SCMH1: variants seen among roughly 807,000 people sequenced by gnomAD.
The protein encoded by SCMH1 is Scm polycomb group protein homolog 1.
Under a neutral mutation model 70.8 loss-of-function variants are expected in SCMH1, and 37 were observed. That is an observed-to-expected ratio of 0.52 (90% CI 0.40 to 0.69). SCMH1 has a LOEUF of 0.69. SCMH1 is among the 30% of genes least tolerant of loss of function. The pLI is 0.00. For missense variants in SCMH1, 607 were observed against 827.3 expected, an observed-to-expected ratio of 0.73 and a Z score of 3.27; for synonymous variants, 292 against 307.4, an observed-to-expected ratio of 0.95 and a Z score of 0.52.
At chr1:41,101,987 C>T (rs1465538519) in intron 8 of SCMH1, among the ~76,000 whole-genome samples, 2 of 152,130 alleles carry the variant, frequency 1.3e-5, no homozygotes, top group Admixed American at 6.6e-5. Flanking sequence ...ACTAAACATG[C>T]CTAGTTATAA....
chr1:41,027,532 T>C (rs771048478), exon 15 of SCMH1: 3 of 152,158 alleles, frequency 2.0e-5, no homozygotes, highest in African/African-American at 7.2e-5. Context: ...CTCCTCCCCA[T>C]ATGGAGTGAT....
At chr1:41,042,275 G>C (rs150478020) in intron 12 of SCMH1, among the ~76,000 whole-genome samples, 1 of 151,296 alleles carries the variant, frequency 6.6e-6, no homozygotes, top group East Asian at 1.9e-4. Flanking sequence ...TTGAGATGGA[G>C]TTTCGCTCTG....
At chr1:41,067,458 CA>C (rs60607308) in intron 10 of SCMH1, among the ~76,000 whole-genome samples, 31,728 of 61,216 alleles carry the variant, frequency 0.52, 6,990 homozygotes, top group African/African-American at 0.67. Flanking sequence ...ACAACAACAA[CA>C]AAAAAAAAAA....
At chr1:41,216,508 A>G (rs1033146672) in intron 1 of SCMH1, among the ~76,000 whole-genome samples, 19 of 152,216 alleles carry the variant, frequency 1.2e-4, no homozygotes, top group African/African-American at 4.1e-4. Flanking sequence ...AAGAGCCACA[A>G]CTAGGCATTC....
intron 1 of SCMH1, among the ~76,000 whole-genome samples, chr1:41,224,683 C>T (rs781438381): frequency 2.5e-4 from 38 of 152,212 alleles, no homozygotes; most frequent in South Asian, 1.5e-3. Context: ...AACTGAGGTA[C>T]AAATAATTTA....
chr1:41,062,216 C>T (rs1652915567), intron 10 of SCMH1, among the ~76,000 whole-genome samples: 1 of 151,992 alleles, frequency 6.6e-6, no homozygotes, highest in African/African-American at 2.4e-5. Context: ...CAGAACACAA[C>T]AGAATGATAC....
At chr1:41,095,232 T>C (rs1664763669) in intron 8 of SCMH1, among the ~76,000 whole-genome samples, 1 of 152,190 alleles carries the variant, frequency 6.6e-6, no homozygotes, top group Admixed American at 6.5e-5. Flanking sequence ...TAGCATTTGA[T>C]TCTAGAATTC....
At chr1:41,028,387 C>G in intron 14 of SCMH1, 68 bp from the exon 16 acceptor site, 2 of 1,591,104 alleles carry the variant, frequency 1.3e-6, no homozygotes, top group Non-Finnish European at 1.7e-6. Flanking sequence ...GTCTGACCAC[C>G]CCAGGTTCTG....
intron 8 of SCMH1, among the ~76,000 whole-genome samples, chr1:41,094,744 C>T (rs748135327): frequency 6.6e-6 from 1 of 151,994 alleles, no homozygotes; most frequent in Non-Finnish European, 1.5e-5. Context: ...CAAAAATTAG[C>T]CGGACTTGGT....
intron 1 of SCMH1, among the ~76,000 whole-genome samples, chr1:41,186,624 C>G (rs957280537): frequency 2.0e-5 from 3 of 152,120 alleles, no homozygotes; most frequent in African/African-American, 7.2e-5. Flanking sequence ...GCCCTAACCC[C>G]CAATGTGACT....
In SCMH1 at chr1:41,119,304, G is replaced by A. The variant is rs115077397; in HGVS notation, c.413-2294C>T. Among the ~76,000 whole-genome samples the A allele has an allele frequency of 6.3e-3, 963 of 152,252 alleles. 3 individuals are homozygous for A. The highest frequency in any genetic ancestry group is 0.01 in the Non-Finnish European group (700 of 68,016). On this transcript the variant is annotated intron_variant, in intron 6 of 14. Coordinates refer to ENST00000337495, the Ensembl canonical transcript of SCMH1. ...TTAGTCCCAAAGCTGGCTAGGCTAA[G>A]CCAGCCTTCCCAAGGTAAAGAGATT...
intron 1 of SCMH1, among the ~76,000 whole-genome samples, chr1:41,237,520 G>A (rs1573327071): frequency 6.6e-6 from 1 of 152,276 alleles, no homozygotes; most frequent in South Asian, 2.1e-4. Context: ...GCTCCCTAAT[G>A]TATCCAGAAT....
chr1:41,032,720 C>G (rs1270110959), intron 13 of SCMH1, among the ~76,000 whole-genome samples: 1 of 152,170 alleles, frequency 6.6e-6, no homozygotes, highest in Non-Finnish European at 1.5e-5. Flanking sequence ...TGGATCATGC[C>G]TGTAATCGCA....
At chr1:41,047,759 A>G (rs572842006) in intron 11 of SCMH1, among the ~76,000 whole-genome samples, 2 of 152,190 alleles carry the variant, frequency 1.3e-5, no homozygotes, top group South Asian at 4.2e-4. Flanking sequence ...CTCACAGCCA[A>G]GTACTCCCTA....
chr1:41,104,335 T>C (rs1183331848), intron 8 of SCMH1, among the ~76,000 whole-genome samples: 1 of 152,156 alleles, frequency 6.6e-6, no homozygotes, highest in Non-Finnish European at 1.5e-5. Flanking sequence ...GGACAGAGAC[T>C]ATATGCATAC....
chr1:41,082,917 T>C (rs942869494), intron 8 of SCMH1, among the ~76,000 whole-genome samples: 1 of 152,106 alleles, frequency 6.6e-6, no homozygotes, highest in Non-Finnish European at 1.5e-5. Context: ...TTTGACAAAA[T>C]TCAACAACTC....
At chr1:41,038,936 T>C (rs1645700523) in intron 12 of SCMH1, among the ~76,000 whole-genome samples, 1 of 152,202 alleles carries the variant, frequency 6.6e-6, no homozygotes, top group African/African-American at 2.4e-5. Flanking sequence ...AGTTTCTTCA[T>C]GTGTAAAATG....
At chr1:41,028,616 G>A (rs1644068940) in exon 14 of SCMH1, 1 of 1,614,082 alleles carries the variant, frequency 6.2e-7, no homozygotes, top group African/African-American at 1.3e-5. Context: ...TGGGGTCCAA[G>A]CTGAGGATCA....
At chr1:41,196,104 GGACT>G (rs1471284163) in intron 1 of SCMH1, among the ~76,000 whole-genome samples, 1 of 152,086 alleles carries the variant, frequency 6.6e-6, no homozygotes, top group Non-Finnish European at 1.5e-5. Flanking sequence ...CTGTGTTCAT[GGACT>G]GAAAGACTAA....
Sources: allele counts gnomAD v4.1 joint callset (sites outside exome capture counted in the v4.1 genomes callset), GRCh38; gene constraint gnomAD v4.1.1; transcripts MANE v1.5; gene names NCBI Gene and HGNC (gene_info 2026-07-23, HGNC 2026-07-21).